Variants in ARHGEF28 observed in about 807,000 individuals in gnomAD.
ARHGEF28 encodes Rho guanine nucleotide exchange factor 28.
ARHGEF28 carries 152 observed loss-of-function variants against 206.6 expected under a neutral mutation model. The observed-to-expected ratio is 0.74, with a 90% confidence interval of 0.64 to 0.84. The LOEUF (loss-of-function observed/expected upper bound fraction) is 0.84. ARHGEF28 is among the 40% of genes least tolerant of loss of function. The pLI, the probability that ARHGEF28 is intolerant of heterozygous loss-of-function variation, is 0.00. For synonymous variants in ARHGEF28, 763 were observed against 776.4 expected (o/e 0.98, Z 0.29); for missense variants, 2,028 against 2,073.2 (o/e 0.98, Z 0.42).
At position 73,909,692 on chromosome 5, in the gene ARHGEF28, C is replaced by T. The variant is rs1439441861; in HGVS notation, c.4442C>T (p.Ser1481Leu). The change falls in exon 34 of 36, where the codon TCG (serine) becomes TTG (leucine). Residue 1481 changes from serine (S) to leucine (L), a missense_variant. Coordinates refer to ENST00000513042, the MANE Select transcript of ARHGEF28 (RefSeq NM_001177693.2). ...CAGGAGCGGGAGCGGGAGTGCCAGT[C>T]GCAGGAGGAGCTGCTGCTGCGGAGC... ...WLQERERECQ[S>L]QEELLLRSRG... The T allele has an allele frequency of 2.6e-6, 4 of 1,535,096 alleles. No homozygotes were observed. The highest frequency in any genetic ancestry group is 1.4e-5 in the African/African-American group (1 of 72,810).
intron 1 of ARHGEF28, among the ~76,000 whole-genome samples, chr5:73,673,981 G>A (rs936859524): frequency 1.3e-5 from 2 of 150,842 alleles, no homozygotes; most frequent in Non-Finnish European, 2.9e-5. Context: ...AGACCAGCCT[G>A]GGCAACAGAG....
At chr5:73,783,346 G>GT (rs1491146340) in intron 7 of ARHGEF28, among the ~76,000 whole-genome samples, 611 of 32,938 alleles carry the variant, frequency 0.019, 5 homozygotes, top group Non-Finnish European at 0.027. Flanking sequence ...CTGGAATATA[G>GT]TGTGTGTGTG....
At chr5:73,795,237 G>C in intron 8 of ARHGEF28, 94 bp from the exon 9 acceptor site, 1 of 1,117,362 alleles carries the variant, frequency 8.9e-7, no homozygotes, top group East Asian at 2.4e-5. Context: ...TTTCATTGAT[G>C]CTTTCCAAGG....
At chr5:73,742,899 AC>A in intron 2 of ARHGEF28, among the ~76,000 whole-genome samples, 1 of 151,760 alleles carries the variant, frequency 6.6e-6, no homozygotes, top group East Asian at 1.9e-4. Flanking sequence ...AATTTCATCT[AC>A]CTTTTACATT....
At chr5:73,659,260 A>G (rs1745432865) in intron 1 of ARHGEF28, among the ~76,000 whole-genome samples, 1 of 152,232 alleles carries the variant, frequency 6.6e-6, no homozygotes, top group Non-Finnish European at 1.5e-5. Context: ...CTAGTGAACA[A>G]GATAGGTAAA....
chr5:73,783,384 GTA>G (rs1554063116), intron 7 of ARHGEF28, among the ~76,000 whole-genome samples: 9,284 of 73,986 alleles, frequency 0.13, 382 homozygotes, highest in African/African-American at 0.15. Flanking sequence ...GTGTGTGTGT[GTA>G]TGTGTGTGTG....
At chr5:73,755,988 CTT>C (rs1752290354) in intron 4 of ARHGEF28, among the ~76,000 whole-genome samples, 1 of 152,154 alleles carries the variant, frequency 6.6e-6, no homozygotes, top group Admixed American at 6.6e-5. Flanking sequence ...TAGTAAAACA[CTT>C]TTCTATTCTA....
At chr5:73,784,741 A>G (rs1379679192) in intron 7 of ARHGEF28, among the ~76,000 whole-genome samples, 4 of 152,226 alleles carry the variant, frequency 2.6e-5, no homozygotes, top group Admixed American at 2.6e-4. Flanking sequence ...GTTTTTTTCT[A>G]TACATACACA....
intron 29 of ARHGEF28, among the ~76,000 whole-genome samples, chr5:73,896,847 C>G (rs1761986687): frequency 6.6e-6 from 1 of 152,196 alleles, no homozygotes; most frequent in African/African-American, 2.4e-5. Context: ...CCCTGGCACA[C>G]CGTGACAGAG....
At chr5:73,814,568 G>T (rs1349936888) in intron 9 of ARHGEF28, among the ~76,000 whole-genome samples, 2 of 152,020 alleles carry the variant, frequency 1.3e-5, no homozygotes, top group South Asian at 4.2e-4. Context: ...GCAGGGACGC[G>T]TGTGCTTATG....
chr5:73,747,159 A>C (rs1489077644), intron 2 of ARHGEF28, among the ~76,000 whole-genome samples: 1 of 152,210 alleles, frequency 6.6e-6, no homozygotes, highest in African/African-American at 2.4e-5. Flanking sequence ...ATGTAGAAGC[A>C]GAGTGATTCT....
intron 1 of ARHGEF28, among the ~76,000 whole-genome samples, chr5:73,666,309 T>C (rs1745952767): frequency 6.6e-6 from 1 of 152,214 alleles, no homozygotes; most frequent in South Asian, 2.1e-4. Flanking sequence ...TATATCTTTG[T>C]TGGGCTCACT....
intron 35 of ARHGEF28, among the ~76,000 whole-genome samples, chr5:73,917,539 G>C (rs2111954693): frequency 6.6e-6 from 1 of 152,308 alleles, no homozygotes; most frequent in South Asian, 2.1e-4. Flanking sequence ...TATTTCTCTG[G>C]GGGCAGGTTG....
At chr5:73,678,430 A>G (rs929999992) in intron 1 of ARHGEF28, among the ~76,000 whole-genome samples, 2 of 152,236 alleles carry the variant, frequency 1.3e-5, no homozygotes, top group Non-Finnish European at 2.9e-5. Context: ...CTATAAAGTG[A>G]AATGTAAATA....
chr5:73,837,412 T>A (rs1757712033), intron 10 of ARHGEF28, among the ~76,000 whole-genome samples: 1 of 152,136 alleles, frequency 6.6e-6, no homozygotes, highest in East Asian at 1.9e-4. Context: ...GCATATATTT[T>A]TGTCATGTTT....
At chr5:73,747,470 C>G (rs867482285) in intron 2 of ARHGEF28, among the ~76,000 whole-genome samples, 4 of 152,314 alleles carry the variant, frequency 2.6e-5, no homozygotes, top group Non-Finnish European at 4.4e-5. Context: ...TCCTAAGTAG[C>G]TTTATCTAAA....
At chr5:73,661,470 T>C (rs987975131) in intron 1 of ARHGEF28, among the ~76,000 whole-genome samples, 2 of 152,130 alleles carry the variant, frequency 1.3e-5, no homozygotes, top group African/African-American at 4.8e-5. Flanking sequence ...TTCAATAACT[T>C]TTCCTTCACA....
intron 9 of ARHGEF28, among the ~76,000 whole-genome samples, chr5:73,826,693 T>C (rs1756926463): frequency 6.6e-6 from 1 of 152,220 alleles, no homozygotes; most frequent in South Asian, 2.1e-4. Flanking sequence ...TAGTTGTCAA[T>C]GTCAGAAGGG....
At chr5:73,761,367 G>A (rs774469757) in intron 4 of ARHGEF28, among the ~76,000 whole-genome samples, 29 of 152,138 alleles carry the variant, frequency 1.9e-4, no homozygotes, top group Non-Finnish European at 3.8e-4. Context: ...ATATTGGTTT[G>A]TAGATAAAAC....
Sources: gnomAD v4.1 joint callset for allele counts (sites outside exome capture counted in the v4.1 genomes callset) on GRCh38, gnomAD v4.1.1 for gene constraint, MANE v1.5 for transcripts, NCBI Gene and HGNC (gene_info 2026-07-23, HGNC 2026-07-21) for gene names.